ASXL2: variants seen among roughly 807,000 people sequenced by gnomAD.
ASXL2 encodes the protein putative Polycomb group protein ASXL2.
ASXL2 carries 23 observed loss-of-function variants against 122.0 expected under a neutral mutation model. That is an observed-to-expected ratio of 0.19 (90% CI 0.14 to 0.27). The LOEUF is 0.27. ASXL2 is among the 10% of genes least tolerant of loss of function. The pLI is 1.00. For missense variants in ASXL2, 1,518 were observed against 1,713.8 expected, an observed-to-expected ratio of 0.89 and a Z score of 2.02; for synonymous variants, 650 against 637.0, an observed-to-expected ratio of 1.02 and a Z score of -0.31.
chr2:25,878,231 T>C lies in ASXL2; in HGVS notation c.-9A>G. 1 of 1,613,780 alleles carries C rather than the reference T, an allele frequency of 6.2e-7. No homozygotes were observed. The highest frequency in any genetic ancestry group is 8.5e-7 in the Non-Finnish European group (1 of 1,179,804). Reference sequence around the variant, plus strand: ...CGTCCCTTTTCCCTCATGTCGGGTCTTGAACTGACTGGGAGGCTCCCGTGT... The same window carrying C: ...CGTCCCTTTTCCCTCATGTCGGGTCCTGAACTGACTGGGAGGCTCCCGTGT... On this transcript the variant is annotated 5_prime_UTR_variant, in exon 1 of 13. Coordinates refer to ENST00000435504, the MANE Select transcript of ASXL2 (RefSeq NM_018263.6).
intron 12 of ASXL2, among the ~76,000 whole-genome samples, chr2:25,748,171 C>G (rs2087973635): frequency 6.6e-6 from 1 of 150,868 alleles, no homozygotes; most frequent in African/African-American, 2.4e-5. Flanking sequence ...GTGCAAGACT[C>G]CATCTTGGGG....
chr2:25,779,138 G>A (rs987046795), intron 5 of ASXL2, among the ~76,000 whole-genome samples: 2 of 134,290 alleles, frequency 1.5e-5, no homozygotes, highest in African/African-American at 5.9e-5. Flanking sequence ...TGCTCAGGCT[G>A]GAGTGCAGTG....
chr2:25,760,993 C>T (rs182183573), intron 8 of ASXL2, among the ~76,000 whole-genome samples: 1 of 152,200 alleles, frequency 6.6e-6, no homozygotes, highest in East Asian at 1.9e-4. Flanking sequence ...ACAGTAGTTT[C>T]ACAATATTAA....
chr2:25,833,163 C>CAT lies in ASXL2; in HGVS notation c.143+2373_143+2374dup, dbSNP rs2089473508. On this transcript the variant is annotated intron_variant, in intron 3 of 12. Transcript: ENST00000435504. Reference sequence around the variant, plus strand: ...AAAACCACATAGCACCCTATACACACATACACACACCCCGGTACCAGTAAA... The same window carrying CAT: ...AAAACCACATAGCACCCTATACACACATATACACACACCCCGGTACCAGTAAA... Among the ~76,000 whole-genome samples the CAT allele has an allele frequency of 2.0e-5, 3 of 152,270 alleles. No individual in the cohort carries two copies. The South Asian group carries it at 6.2e-4, about 32-fold the overall frequency.
intron 3 of ASXL2, chr2:25,810,065 C>G: frequency 5.4e-6 from 3 of 552,926 alleles, no homozygotes; most frequent in Non-Finnish European, 1.1e-5. Flanking sequence ...AAACTCAGCA[C>G]AGGTCTCTAC....
rs59530493 is a variant in ASXL2 at position 25,745,641 on chromosome 2, C to CT, written c.1861-1166dup. Among the ~76,000 whole-genome samples the CT allele has an allele frequency of 8.8e-3, 662 of 75,602 alleles. 16 individuals are homozygous for CT. Among genetic ancestry groups the CT allele is most frequent in the African/African-American group, 0.017 (345 of 20,198 alleles). 49.6% of individuals were successfully genotyped at this position (75,602 alleles called of 152,430 possible). ...CAGGTTTGAAACCATTGATTTCCTT[C>CT]TTTTTTTTTTTTTTTTTTTTTTGAG... On this transcript the variant is annotated intron_variant, in intron 12 of 12. Coordinates refer to ENST00000435504, the MANE Select transcript of ASXL2 (RefSeq NM_018263.6).
chr2:25,867,300 T>G (rs958881159), intron 1 of ASXL2, among the ~76,000 whole-genome samples: 3 of 152,082 alleles, frequency 2.0e-5, no homozygotes, highest in African/African-American at 7.2e-5. Flanking sequence ...GTGTGGAAAC[T>G]TCAGGAGGCT....
chr2:25,844,248 A>G (rs2089622801), intron 2 of ASXL2, among the ~76,000 whole-genome samples: 1 of 152,202 alleles, frequency 6.6e-6, no homozygotes, highest in African/African-American at 2.4e-5. Flanking sequence ...ACTTAATATA[A>G]TTTTAACATT....
rs377610736 is a variant in ASXL2, at chr2:25,749,982, G to C, written c.1574C>G (p.Pro525Arg). 3.1e-6 allele frequency: 5 copies of C among 1,613,814 alleles called. No individual in the cohort carries two copies. Among genetic ancestry groups the C allele is most frequent in the Non-Finnish European group, 4.2e-6 (5 of 1,179,892 alleles). The part of the protein sequence containing the change: ...SESQESLVTS[P>R]SKPKSPGVEK... ...AACCCCAGGACTCTTGGGTTTGCTT[G>C]GCGATGTAACTAAAGATTCTTGGCT... is the stretch of plus-strand genomic sequence containing the variant. The change falls in exon 12 of 13, where the codon CCA (proline) becomes CGA (arginine). Residue 525 changes from proline to arginine, a missense_variant. Pro to Arg is a moderately radical substitution (Grantham distance 103). Coordinates refer to ENST00000435504, the MANE Select transcript of ASXL2 (RefSeq NM_018263.6).
Position 25,738,682 on chromosome 2 carries a change from T to C in ASXL2, c.*3347A>G, listed in dbSNP as rs2087776856. The C allele has an allele frequency of 6.6e-6, 1 of 152,174 alleles. No homozygotes were observed. Among genetic ancestry groups the C allele is most frequent in the African/African-American group, 2.4e-5 (1 of 41,428 alleles). 9.4% of individuals were successfully genotyped at this position (152,174 alleles called of 1,614,324 possible). ...TCTCTAAGGTGGAGAAAGGCAATAA[T>C]AAACAACAGAATGTTAACTGTCAGG... is the stretch of plus-strand genomic sequence containing the variant. On this transcript the variant is annotated 3_prime_UTR_variant, in exon 13 of 13. Transcript: ENST00000435504.
chr2:25,743,822 C>G lies in ASXL2; in HGVS notation c.2515G>C (p.Ala839Pro). 4 of 1,614,044 alleles carry G rather than the reference C, an allele frequency of 2.5e-6. No individual in the cohort carries two copies. The highest frequency in any genetic ancestry group is 1.6e-4 in the Middle Eastern group (1 of 6,062). Residue 839 changes from alanine (A) to proline (P), a missense_variant, in exon 13 of 13, where the codon GCT becomes CCT. Physicochemically the swap from Ala to Pro is conservative, Grantham distance 27. This residue lies in a region of ASXL2 where 831 missense variants were observed against 833.1 expected (regional missense o/e 1.00). Transcript: ENST00000435504. ...ACAGGTGAGGCACCTGAGATTAGAG[C>G]AGGACCTGTTGGAGAAGGTGCTTTC... is the stretch of plus-strand genomic sequence containing the variant. ...QEKAPSPTGP[A>P]LISGASPVHC...
intron 2 of ASXL2, among the ~76,000 whole-genome samples, chr2:25,838,645 C>G (rs908358156): frequency 3.3e-5 from 5 of 152,146 alleles, no homozygotes; most frequent in Admixed American, 6.5e-5. Flanking sequence ...TCGGGAGAAA[C>G]TTAAACTGGG....
intron 5 of ASXL2, among the ~76,000 whole-genome samples, chr2:25,773,526 T>C (rs1049707534): frequency 1.3e-5 from 2 of 151,104 alleles, no homozygotes; most frequent in East Asian, 2.0e-4. Context: ...ATTAGCTGGG[T>C]GTGGTGGCGG....
chr2:25,878,097 TC>T lies in ASXL2; in HGVS notation c.57+68del. 5 of 1,592,332 alleles carry T rather than the reference TC, an allele frequency of 3.1e-6. No homozygotes were observed. The South Asian group carries it at 5.5e-5, about 18-fold the overall frequency. ...GGTCCCTGGGCCAGTGACCTCCCTTTCCCTGCGACTGGCGGGCGACAAGGGA... is the reference window on the plus strand; with the variant it reads ...GGTCCCTGGGCCAGTGACCTCCCTTTCCTGCGACTGGCGGGCGACAAGGGA... On this transcript the variant is annotated intron_variant, in intron 1 of 12. Transcript: ENST00000435504.
At chr2:25,816,477 C>T (rs779716024) in intron 3 of ASXL2, among the ~76,000 whole-genome samples, 8 of 152,038 alleles carry the variant, frequency 5.3e-5, no homozygotes, top group South Asian at 4.1e-4. Context: ...AGAGACATGA[C>T]GGAAGCAGAG....
At chr2:25,757,176 T>C (rs1278215145) in intron 9 of ASXL2, among the ~76,000 whole-genome samples, 1 of 152,202 alleles carries the variant, frequency 6.6e-6, no homozygotes, top group Non-Finnish European at 1.5e-5. Flanking sequence ...CAGTCAAGTA[T>C]GGCTTCCAAC....
chr2:25,838,604 T>G (rs1265134904), intron 2 of ASXL2, among the ~76,000 whole-genome samples: 1 of 152,174 alleles, frequency 6.6e-6, no homozygotes, highest in Non-Finnish European at 1.5e-5. Flanking sequence ...GACAAATAGT[T>G]TGTAATGACA....
At position 25,744,441 on chromosome 2, in the gene ASXL2, A is replaced by G. The variant is rs751443497; in HGVS notation, c.1896T>C (p.His632=). The change falls in exon 13 of 13, where the codon CAT becomes CAC. Residue 632 remains histidine (H), a synonymous_variant. Transcript: ENST00000435504. This position sits in a 1 kb window ranked among gnomAD's most constrained non-coding sequence, Gnocchi z 4.7. Reference sequence around the variant, plus strand: ...GAGCCCTGGGAGAGACCTGCGATGGATGAAACGGCATGGGGGAGATTCTGG... The same window carrying G: ...GAGCCCTGGGAGAGACCTGCGATGGGTGAAACGGCATGGGGGAGATTCTGG... ...PVSRISPMPF[H]PSQVSPRARF... 1 of 1,610,940 alleles carries G rather than the reference A, an allele frequency of 6.2e-7. No individual in the cohort carries two copies. The highest frequency in any genetic ancestry group is 2.2e-5 in the East Asian group (1 of 44,872).
intron 1 of ASXL2, among the ~76,000 whole-genome samples, chr2:25,864,640 A>G (rs116564354): frequency 0.033 from 4,974 of 152,084 alleles, 155 homozygotes; most frequent in African/African-American, 0.073. Context: ...ATCAAGTCAA[A>G]GTAGTATATC....
Sources: allele counts gnomAD v4.1 joint callset (sites outside exome capture counted in the v4.1 genomes callset), GRCh38; gene constraint gnomAD v4.1.1; regional missense constraint gnomAD v4.1.1; non-coding constraint Gnocchi (gnomAD v3.1); transcripts MANE v1.5; gene names NCBI Gene and HGNC (gene_info 2026-07-23, HGNC 2026-07-21).